The following LRCH1 variants were observed in gnomAD, a reference collection of about 807,000 sequenced individuals.
The protein encoded by LRCH1 is leucine-rich repeat and calponin homology domain-containing protein 1.
A neutral mutation model predicts 94.9 loss-of-function variants in LRCH1; 23 were observed. The observed-to-expected ratio is 0.24, with a 90% CI of 0.17 to 0.34. LRCH1 has a LOEUF of 0.34. Among genes scored for constraint, LRCH1 ranks in the 10% least tolerant of loss-of-function variants. LRCH1 has a pLI of 1.00. For synonymous variants in LRCH1, 364 were observed against 354.9 expected (o/e 1.03, Z -0.29); for missense variants, 790 against 945.9 (o/e 0.84, Z 2.16).
At position 46,735,375 on chromosome 13, in the gene LRCH1, T is replaced by C. The variant is rs375447391; in HGVS notation, c.2085+1377T>C. Reference sequence around the variant, plus strand: ...AACTCTCATGGCAAGCTTCAGATGATAAATTATTTGTGTCTGTGCTAGAAA... The same window carrying C: ...AACTCTCATGGCAAGCTTCAGATGACAAATTATTTGTGTCTGTGCTAGAAA... On this transcript the variant is annotated intron_variant, in intron 19 of 19. Transcript: ENST00000389797. Among the ~76,000 whole-genome samples, 314 of 152,376 alleles carry C rather than the reference T, an allele frequency of 2.1e-3. 1 individual carries two copies. The highest frequency in any genetic ancestry group is 7.2e-3 in the African/African-American group (299 of 41,602).
At chr13:46,694,473 G>C (rs1871070436) in intron 8 of LRCH1, among the ~76,000 whole-genome samples, 1 of 152,198 alleles carries the variant, frequency 6.6e-6, no homozygotes, top group Non-Finnish European at 1.5e-5. Flanking sequence ...ACAGGAGTCA[G>C]ATTTGGCTGA....
intron 19 of LRCH1, among the ~76,000 whole-genome samples, chr13:46,739,679 A>G (rs1160370193): frequency 1.3e-5 from 2 of 152,134 alleles, no homozygotes; most frequent in East Asian, 1.9e-4. Flanking sequence ...ACTCCACACA[A>G]TCATCATGGT....
intron 1 of LRCH1, among the ~76,000 whole-genome samples, chr13:46,618,614 C>T (rs1331343279): frequency 6.6e-6 from 1 of 152,176 alleles, no homozygotes; most frequent in Non-Finnish European, 1.5e-5. Flanking sequence ...TGGAAAATGA[C>T]GTTGAGAATT....
chr13:46,585,829 T>A (rs1029694378), intron 1 of LRCH1, among the ~76,000 whole-genome samples: 2 of 151,942 alleles, frequency 1.3e-5, no homozygotes, highest in Non-Finnish European at 2.9e-5. Flanking sequence ...AGAAATCCTT[T>A]CCAGCTGAAG....
At chr13:46,688,127 A>G (rs1423615007) in intron 6 of LRCH1, 148 bp downstream of exon 6, 1 of 696,320 alleles carries the variant, frequency 1.4e-6, no homozygotes, top group Non-Finnish European at 2.2e-6. Flanking sequence ...TTAATCACCT[A>G]ATTTGTATTT....
Position 46,730,555 on chromosome 13 carries a change from C to G in LRCH1, c.2007+1571C>G, listed in dbSNP as rs141508645. Reference sequence around the variant, plus strand: ...ACCTTATTTCATCTTAGTTTCTTATCTATCATATTGAACATATTTTTCTTT... The same window carrying G: ...ACCTTATTTCATCTTAGTTTCTTATGTATCATATTGAACATATTTTTCTTT... On this transcript the variant is annotated intron_variant, in intron 18 of 19. Coordinates refer to ENST00000389797, the MANE Select transcript of LRCH1 (RefSeq NM_001164211.2). Among the ~76,000 whole-genome samples the G allele has an allele frequency of 4.6e-5, 7 of 152,300 alleles. No homozygotes were observed. The East Asian group carries it at 1.4e-3, about 29-fold the overall frequency.
chr13:46,651,526 G>A (rs1482530851), intron 2 of LRCH1, among the ~76,000 whole-genome samples: 1 of 151,860 alleles, frequency 6.6e-6, no homozygotes, highest in Non-Finnish European at 1.5e-5. Flanking sequence ...TGGGCGTGGT[G>A]GCGCATGCCT....
chr13:46,688,219 ATC>A (rs1870720014), intron 6 of LRCH1, among the ~76,000 whole-genome samples: 2 of 152,268 alleles, frequency 1.3e-5, no homozygotes, highest in African/African-American at 4.8e-5. Flanking sequence ...CTCAAATATC[ATC>A]TGTCTCCTAA....
At chr13:46,710,980 G>A (rs572157867) in intron 13 of LRCH1, among the ~76,000 whole-genome samples, 87 of 152,126 alleles carry the variant, frequency 5.7e-4, no homozygotes, top group African/African-American at 2.0e-3. Context: ...CACTGTCTCT[G>A]TGGACCATCT....
intron 1 of LRCH1, among the ~76,000 whole-genome samples, chr13:46,635,968 C>T (rs2051082475): frequency 6.6e-6 from 1 of 151,474 alleles, no homozygotes; most frequent in Admixed American, 6.6e-5. Context: ...TAACTTATTC[C>T]TCTCCTTTCA....
chr13:46,590,072 T>C lies in LRCH1; in HGVS notation c.307+36369T>C, dbSNP rs118081746. On this transcript the variant is annotated intron_variant, in intron 1 of 19. Coordinates refer to ENST00000389797, the MANE Select transcript of LRCH1 (RefSeq NM_001164211.2). Reference sequence around the variant, plus strand: ...AGGCCAGAAGTTTGGAGTTTATTAGTTCAGTTAATCTTTTTTGGGAAGATG... The same window carrying C: ...AGGCCAGAAGTTTGGAGTTTATTAGCTCAGTTAATCTTTTTTGGGAAGATG... 2.3e-3 allele frequency among the ~76,000 whole-genome samples: 345 copies of C among 152,242 alleles called. 1 individual carries two copies. Among genetic ancestry groups the C allele is most frequent in the Non-Finnish European group, 2.5e-3 (171 of 68,020 alleles).
chr13:46,742,954 A>G lies in LRCH1; in HGVS notation c.*1106A>G. 4 of 985,452 alleles carry G rather than the reference A, an allele frequency of 4.1e-6. No homozygotes were observed. Among genetic ancestry groups the G allele is most frequent in the African/African-American group, 3.5e-5 (2 of 57,378 alleles). The allele number at this position is 985,452 out of a possible 1,614,324, so 61.0% of individuals were successfully genotyped here. A position where few individuals can be genotyped will look rare whatever the true frequency, so the allele number is the denominator to read the frequency against. ...GCTCAAAGGATTATATAGTAACTATATCTGCATTTGGAGCAATGTGATCAG... is the reference window on the plus strand; with the variant it reads ...GCTCAAAGGATTATATAGTAACTATGTCTGCATTTGGAGCAATGTGATCAG... On this transcript the variant is annotated 3_prime_UTR_variant, in exon 20 of 20. Coordinates refer to ENST00000389797, the MANE Select transcript of LRCH1 (RefSeq NM_001164211.2).
At chr13:46,598,394 CT>C (rs1443666356) in intron 1 of LRCH1, among the ~76,000 whole-genome samples, 1 of 151,428 alleles carries the variant, frequency 6.6e-6, no homozygotes, top group Non-Finnish European at 1.5e-5. Flanking sequence ...ACTTGCTTGT[CT>C]CGGGGGAAAA....
chr13:46,584,844 G>A (rs777245553), intron 1 of LRCH1, among the ~76,000 whole-genome samples: 14 of 152,238 alleles, frequency 9.2e-5, no homozygotes, highest in East Asian at 1.9e-4. Context: ...CAGTTGCTAC[G>A]AAAAAAAGTG....
intron 14 of LRCH1, among the ~76,000 whole-genome samples, chr13:46,712,062 G>C (rs1473496762): frequency 1.3e-5 from 2 of 152,146 alleles, no homozygotes; most frequent in Non-Finnish European, 2.9e-5. Context: ...CCGAATGTAG[G>C]AACATCTTTA....
intron 1 of LRCH1, among the ~76,000 whole-genome samples, chr13:46,575,963 A>C (rs1594255902): frequency 6.6e-6 from 1 of 152,318 alleles, no homozygotes; most frequent in Non-Finnish European, 1.5e-5. Flanking sequence ...AAAATAGTAC[A>C]TCATCTCAGA....
intron 16 of LRCH1, among the ~76,000 whole-genome samples, chr13:46,719,680 A>G (rs17068697): frequency 0.2 from 30,945 of 152,194 alleles, 3,502 homozygotes; most frequent in East Asian, 0.5. Context: ...AATTGCGTAT[A>G]TGTGCAAATC....
At chr13:46,617,374 C>G (rs2050822572) in intron 1 of LRCH1, among the ~76,000 whole-genome samples, 1 of 152,232 alleles carries the variant, frequency 6.6e-6, no homozygotes, top group Non-Finnish European at 1.5e-5. Flanking sequence ...GTCTAAGTCT[C>G]TCTTTTTCCT....
At chr13:46,711,878 G>A (rs754272667) in intron 14 of LRCH1, 34 bp downstream of exon 14, 1 of 1,487,988 alleles carries the variant, frequency 6.7e-7, no homozygotes, top group Non-Finnish European at 9.4e-7. Context: ...AAGGTGAGGT[G>A]TTTCTTGATG....
Sources: gnomAD v4.1 joint callset for allele counts (sites outside exome capture counted in the v4.1 genomes callset) on GRCh38, gnomAD v4.1.1 for gene constraint, MANE v1.5 for transcripts, NCBI Gene and HGNC (gene_info 2026-07-23, HGNC 2026-07-21) for gene names.